The following NIPSNAP3A variants were observed in gnomAD, a reference collection of about 807,000 sequenced individuals.
NIPSNAP3A encodes the protein nipsnap homolog 3A.
Under a neutral mutation model 32.3 loss-of-function variants are expected in NIPSNAP3A, and 27 were observed. That is an observed-to-expected ratio of 0.84 (90% CI 0.62 to 1.15). The LOEUF is 1.15. Ranked by LOEUF, NIPSNAP3A falls within the 50% of genes most tolerant of loss-of-function variation. The pLI is 0.00. For synonymous variants in NIPSNAP3A, 108 were observed against 107.3 expected (o/e 1.01, Z -0.04); for missense variants, 278 against 297.2 (o/e 0.94, Z 0.48).
rs1475379344 is a variant in NIPSNAP3A at position 104,759,193 on chromosome 9, G to T, written c.667+22G>T. On this transcript the variant is annotated intron_variant, in intron 5 of 5. Coordinates refer to ENST00000374767, the MANE Select transcript of NIPSNAP3A (RefSeq NM_015469.3). ...GCTGGTAAGCTGTTTGACTAGGCAT[G>T]AATTATTTTTAGAACAAATGTGTTT... The T allele has an allele frequency of 1.9e-6, 3 of 1,613,660 alleles. No homozygotes were observed. The Admixed American group carries it at 5.0e-5, about 27-fold the overall frequency.
In NIPSNAP3A at chr9:104,753,072, C is replaced by CT. The variant is rs766326840; in HGVS notation, c.430+10dup. Reference sequence around the variant, plus strand: ...AAAAACCTCCAAAAGAAGGTAAGTCCTTCCTTCTTAGTCACTGAGTTTTGA... The same window carrying CT: ...AAAAACCTCCAAAAGAAGGTAAGTCCTTTCCTTCTTAGTCACTGAGTTTTGA... On this transcript the variant is annotated intron_variant, in intron 3 of 5. Transcript: ENST00000374767. 5 of 1,607,402 alleles carry CT rather than the reference C, an allele frequency of 3.1e-6. No homozygotes were observed. Among genetic ancestry groups the CT allele is most frequent in the Non-Finnish European group, 4.3e-6 (5 of 1,174,168 alleles).
At chr9:104,752,488 A>G (rs888304755) in intron 2 of NIPSNAP3A, among the ~76,000 whole-genome samples, 1 of 152,200 alleles carries the variant, frequency 6.6e-6, no homozygotes, top group African/African-American at 2.4e-5. Flanking sequence ...ATCAAGTAAG[A>G]ATAGTTCACA....
intron 4 of NIPSNAP3A, among the ~76,000 whole-genome samples, chr9:104,758,624 T>C (rs1316587381): frequency 6.6e-6 from 1 of 152,086 alleles, no homozygotes; most frequent in African/African-American, 2.4e-5. Context: ...CAGTAACATA[T>C]TTAGTTTTAC....
At chr9:104,753,303 G>C (rs913219554) in intron 3 of NIPSNAP3A, among the ~76,000 whole-genome samples, 7 of 152,166 alleles carry the variant, frequency 4.6e-5, no homozygotes, top group Non-Finnish European at 1.0e-4. Context: ...AAGCTTAACT[G>C]TGTTATAGAG....
At chr9:104,753,850 C>T (rs1827875133) in intron 3 of NIPSNAP3A, 1 of 152,290 alleles carries the variant, frequency 6.6e-6, no homozygotes, top group Admixed American at 6.5e-5. Flanking sequence ...ACTTCTCTGA[C>T]AGTGTCAAAT....
rs142665089 is a variant in NIPSNAP3A at position 104,754,395 on chromosome 9, C to CAA, written c.431-155_431-154insAA. 6.6e-3 allele frequency: 4,106 copies of CAA among 623,804 alleles called. 123 individuals carry two copies. In the African/African-American group the frequency reaches 0.066, roughly 10 times the overall value. 38.6% of individuals were successfully genotyped at this position (623,804 alleles called of 1,614,324 possible). Reference sequence around the variant, plus strand: ...GGCAAGGACTTTCTAAGCATAAAAGCAGAGAGTGCAAATATAATAAACATG... The same window carrying CAA: ...GGCAAGGACTTTCTAAGCATAAAAGCAAAGAGAGTGCAAATATAATAAACATG... On this transcript the variant is annotated intron_variant, in intron 3 of 5. Transcript: ENST00000374767.
intron 4 of NIPSNAP3A, 63 bp downstream of exon 4, chr9:104,754,763 G>A: frequency 7.4e-7 from 1 of 1,354,262 alleles, no homozygotes; most frequent in Non-Finnish European, 1.1e-6. Flanking sequence ...AGTTCCTTGG[G>A]TCAGGTTCTT....
At position 104,759,286 on chromosome 9, in the gene NIPSNAP3A, T is replaced by C. The variant is rs760435231; in HGVS notation, c.692T>C (p.Val231Ala). 9 of 1,614,158 alleles carry C rather than the reference T, an allele frequency of 5.6e-6. No individual in the cohort carries two copies. In the South Asian group the frequency reaches 8.8e-5, roughly 16 times the overall value. The change falls in exon 6 of 6, where the codon GTA becomes GCA. Residue 231 changes from valine (V) to alanine (A), a missense_variant. By Grantham distance (64) the Val-to-Ala change is moderately conservative. Transcript: ENST00000374767. The stretch of plus-strand genomic sequence containing the variant: ...GTTCGGGAAAGTGTCAACTACCTAG[T>C]ATCTCAGCAGAATATGCTTCTGATT... Reference protein sequence around the residue: ...AAVRESVNYLVSQQNMLLIPT... With the variant: ...AAVRESVNYLASQQNMLLIPT...
chr9:104,751,238 T>C, intron 2 of NIPSNAP3A, 72 bp downstream of exon 2: 1 of 1,323,452 alleles, frequency 7.6e-7, no homozygotes, highest in East Asian at 2.3e-5. Context: ...TTCTGTTAAA[T>C]GTAACATAAA....
chr9:104,750,849 A>G (rs1827839437), intron 1 of NIPSNAP3A, 107 bp from the exon 2 acceptor site: 6 of 864,630 alleles, frequency 6.9e-6, no homozygotes, highest in Non-Finnish European at 9.8e-6. Flanking sequence ...TACAAACATG[A>G]GTAATGAGTC....
intron 4 of NIPSNAP3A, among the ~76,000 whole-genome samples, chr9:104,756,381 A>T (rs1473665813): frequency 6.6e-6 from 1 of 152,182 alleles, no homozygotes; most frequent in East Asian, 1.9e-4. Context: ...ACAAAGGCTC[A>T]AACTATCTGG....
intron 4 of NIPSNAP3A, 62 bp from the exon 5 acceptor site, chr9:104,759,023 C>A: frequency 2.3e-5 from 13 of 573,858 alleles, no homozygotes; most frequent in Non-Finnish European, 3.8e-5. Context: ...ATTCATTTTT[C>A]TGTTATTTCT....
Position 104,751,087 on chromosome 9 carries a change from A to G in NIPSNAP3A, c.192A>G (p.Thr64=), listed in dbSNP as rs558083066. 1.9e-6 allele frequency: 3 copies of G among 1,614,084 alleles called. No homozygotes were observed. Among genetic ancestry groups the G allele is most frequent in the African/African-American group, 2.7e-5 (2 of 75,052 alleles). Residue 64 remains threonine (T), a synonymous_variant, in exon 2 of 6, where the codon ACA becomes ACG. Coordinates refer to ENST00000374767, the MANE Select transcript of NIPSNAP3A (RefSeq NM_015469.3). ...ENFEKNAHLR[T]AHSELVGYWS... is the part of the protein sequence containing the mutation. The stretch of plus-strand genomic sequence containing the variant: ...TTGAGAAAAACGCTCATCTTCGGAC[A>G]GCTCACTCTGAATTGGTTGGATACT...
intron 2 of NIPSNAP3A, 91 bp downstream of exon 2, chr9:104,751,257 C>A: frequency 8.7e-7 from 1 of 1,143,976 alleles, no homozygotes; most frequent in Non-Finnish European, 1.3e-6. Context: ...AAACTTAGTT[C>A]TTGGATGTAT....
intron 2 of NIPSNAP3A, among the ~76,000 whole-genome samples, chr9:104,751,657 AG>A (rs1402142569): frequency 1.3e-5 from 2 of 152,158 alleles, no homozygotes; most frequent in African/African-American, 4.8e-5. Context: ...GGAGGTTTAT[AG>A]GGGATGATGG....
At chr9:104,749,012 A>G (rs1164328353) in intron 1 of NIPSNAP3A, among the ~76,000 whole-genome samples, 1 of 152,010 alleles carries the variant, frequency 6.6e-6, no homozygotes, top group Non-Finnish European at 1.5e-5. Context: ...CTTCTCTGGC[A>G]CCACCTGTCC....
chr9:104,757,499 C>T (rs1433902164), intron 4 of NIPSNAP3A, among the ~76,000 whole-genome samples: 1 of 152,104 alleles, frequency 6.6e-6, no homozygotes, highest in African/African-American at 2.4e-5. Context: ...ATGCTTAAAA[C>T]TAGGCCTGAC....
intron 2 of NIPSNAP3A, among the ~76,000 whole-genome samples, chr9:104,751,545 A>G (rs1477779429): frequency 6.6e-6 from 1 of 152,222 alleles, no homozygotes; most frequent in Non-Finnish European, 1.5e-5. Context: ...GATTAAGATC[A>G]CAAAAGGAAA....
intron 4 of NIPSNAP3A, among the ~76,000 whole-genome samples, chr9:104,756,588 C>G (rs1344356303): frequency 1.3e-5 from 2 of 151,982 alleles, no homozygotes; most frequent in Non-Finnish European, 2.9e-5. Context: ...AATAAGTACT[C>G]AGATACTGTG....
Sources: allele counts gnomAD v4.1 joint callset (sites outside exome capture counted in the v4.1 genomes callset), GRCh38; gene constraint gnomAD v4.1.1; transcripts MANE v1.5; gene names NCBI Gene and HGNC (gene_info 2026-07-23, HGNC 2026-07-21).